The following UBA6 variants were observed in gnomAD, a reference collection of about 807,000 sequenced individuals.
UBA6 encodes the protein ubiquitin-like modifier-activating enzyme 6.
In UBA6, 87 loss-of-function variants were observed where a neutral mutation model predicts 148.3. The ratio of observed to expected loss-of-function variants is 0.59; its 90% CI spans 0.49 to 0.70. The LOEUF (loss-of-function observed/expected upper bound fraction) is 0.70. UBA6 is among the 30% of genes least tolerant of loss of function. The pLI, the probability that UBA6 is intolerant of heterozygous loss-of-function variation, is 0.00. For missense variants in UBA6, 1,186 were observed against 1,241.2 expected (o/e 0.96, Z 0.67); for synonymous variants, 376 against 401.0 (o/e 0.94, Z 0.75).
intron 4 of UBA6, among the ~76,000 whole-genome samples, chr4:67,681,212 C>G (rs1184570260): frequency 3.3e-5 from 5 of 152,096 alleles, no homozygotes; most frequent in Non-Finnish European, 7.4e-5. Context: ...TATATTGCTG[C>G]TTCAAAAGAT....
chr4:67,662,090 G>T, intron 13 of UBA6, 99 bp downstream of exon 13: 1 of 1,197,586 alleles, frequency 8.4e-7, no homozygotes. Context: ...ATGCCACAGA[G>T]TAGCAAAGCT....
At chr4:67,628,744 G>A (rs1291642533) in intron 27 of UBA6, among the ~76,000 whole-genome samples, 3 of 151,752 alleles carry the variant, frequency 2.0e-5, no homozygotes, top group African/African-American at 7.3e-5. Flanking sequence ...TATAACAACA[G>A]GGGATCTTTA....
rs1235355518 is a variant in UBA6 at position 67,614,816 on chromosome 4, A to C, written c.*4181T>G. ...GATATTGGCAACTATACAGCCAACA[A>C]AGAATAAGATTTATAAAGATCCTTT... On this transcript the variant is annotated 3_prime_UTR_variant, in exon 33 of 33. Coordinates refer to ENST00000322244, the MANE Select transcript of UBA6 (RefSeq NM_018227.6). 1 of 152,186 alleles carries C rather than the reference A, an allele frequency of 6.6e-6. No individual in the cohort carries two copies. Among genetic ancestry groups the C allele is most frequent in the Non-Finnish European group, 1.5e-5 (1 of 68,034 alleles). The allele number at this position is 152,186 out of a possible 1,614,324, so 9.4% of individuals were successfully genotyped here. A position where few individuals can be genotyped will look rare whatever the true frequency, so the allele number is the denominator to read the frequency against.
chr4:67,691,562 G>C (rs990395876), intron 2 of UBA6, among the ~76,000 whole-genome samples: 2 of 152,136 alleles, frequency 1.3e-5, no homozygotes, highest in African/African-American at 4.8e-5. Flanking sequence ...GATGTCTTGA[G>C]ATTCTTGCAT....
At chr4:67,619,493 T>C (rs1728703241) in intron 32 of UBA6, among the ~76,000 whole-genome samples, 1 of 152,122 alleles carries the variant, frequency 6.6e-6, no homozygotes, top group Non-Finnish European at 1.5e-5. Context: ...CTGGCCCACA[T>C]GGCGAAACCC....
At position 67,615,928 on chromosome 4, in the gene UBA6, T is replaced by C. The variant is rs989758577; in HGVS notation, c.*3069A>G. On this transcript the variant is annotated 3_prime_UTR_variant, in exon 33 of 33. Coordinates refer to ENST00000322244, the MANE Select transcript of UBA6 (RefSeq NM_018227.6). ...TGGTTGTGACTGGGAAGGAACTACA[T>C]GTGTAATTTCTGAACTGCTGTCAAT... 5 of 339,450 alleles carry C rather than the reference T, an allele frequency of 1.5e-5. No homozygotes were observed. The highest frequency in any genetic ancestry group is 2.7e-5 in the Non-Finnish European group (5 of 188,450). 21.0% of individuals were successfully genotyped at this position (339,450 alleles called of 1,614,324 possible).
chr4:67,688,246 C>T (rs1192650389), intron 2 of UBA6, among the ~76,000 whole-genome samples: 10 of 152,108 alleles, frequency 6.6e-5, no homozygotes, highest in Admixed American at 6.6e-4. Context: ...GCCTTAATCA[C>T]ATTCAATGGA....
intron 26 of UBA6, among the ~76,000 whole-genome samples, chr4:67,629,733 T>C (rs938278102): frequency 3.3e-5 from 5 of 152,048 alleles, no homozygotes; most frequent in African/African-American, 1.2e-4. Context: ...CCAAAAAGAA[T>C]ATCAGACTGA....
chr4:67,684,444 A>T (rs1299085438), intron 2 of UBA6, among the ~76,000 whole-genome samples: 1 of 152,180 alleles, frequency 6.6e-6, no homozygotes, highest in East Asian at 1.9e-4. Context: ...TTTATGTGTT[A>T]ATCCAAAGTA....
At chr4:67,700,437 TC>T (rs1730950239) in intron 1 of UBA6, among the ~76,000 whole-genome samples, 1 of 151,904 alleles carries the variant, frequency 6.6e-6, no homozygotes, top group East Asian at 1.9e-4. Flanking sequence ...ACAAATATTT[TC>T]CCCCTAATTT....
intron 7 of UBA6, among the ~76,000 whole-genome samples, chr4:67,672,713 G>A (rs970662352): frequency 2.0e-5 from 3 of 151,806 alleles, no homozygotes; most frequent in Non-Finnish European, 4.4e-5. Context: ...CCTCAAAACC[G>A]CCAACCTAAT....
chr4:67,692,670 A>G (rs1730722597), intron 2 of UBA6, among the ~76,000 whole-genome samples: 1 of 152,198 alleles, frequency 6.6e-6, no homozygotes, highest in Admixed American at 6.5e-5. Context: ...CCAGAACCCC[A>G]AAGTTCAACA....
chr4:67,669,534 T>A (rs1730089826), intron 8 of UBA6, among the ~76,000 whole-genome samples: 1 of 152,140 alleles, frequency 6.6e-6, no homozygotes, highest in East Asian at 1.9e-4. Context: ...GTAAGTTGAT[T>A]ACAAAGAGTA....
intron 13 of UBA6, among the ~76,000 whole-genome samples, chr4:67,658,985 A>T (rs1427920404): frequency 6.6e-6 from 1 of 152,178 alleles, no homozygotes; most frequent in Non-Finnish European, 1.5e-5. Flanking sequence ...TGTGTACAAA[A>T]TTTTTTATAA....
At chr4:67,664,072 G>A in intron 10 of UBA6, 125 bp from the exon 11 acceptor site, 1 of 624,138 alleles carries the variant, frequency 1.6e-6, no homozygotes. Context: ...AAGTAGGGTT[G>A]GGCTGGTATG....
rs769076683 is a variant in UBA6, at chr4:67,639,038, T to C, written c.1641A>G (p.Pro547=). The C allele has an allele frequency of 4.3e-6, 7 of 1,613,124 alleles. No homozygotes were observed. In the South Asian group the frequency reaches 6.6e-5, roughly 15 times the overall value. ...KIDAHLNKVC[P]TTETIYNDEF... is the part of the protein sequence containing the mutation. ...CATCATTGTAAATGGTCTCAGTGGT[T>C]GGACATACTTTGTTCAGGTGTGCAT... Residue 547 remains proline, a synonymous_variant, in exon 19 of 33, where the codon CCA becomes CCG. Coordinates refer to ENST00000322244, the MANE Select transcript of UBA6 (RefSeq NM_018227.6).
At chr4:67,635,371 G>A in intron 20 of UBA6, 82 bp downstream of exon 20, 6 of 830,664 alleles carry the variant, frequency 7.2e-6, no homozygotes, top group Non-Finnish European at 1.2e-5. Context: ...GAAGGATTAG[G>A]AAAGCTAAAT....
chr4:67,666,812 C>CTGCA (rs1420295829), intron 9 of UBA6, among the ~76,000 whole-genome samples: 10 of 152,018 alleles, frequency 6.6e-5, no homozygotes, highest in Admixed American at 6.6e-4. Context: ...GAGGCTGAGG[C>CTGCA]TGCAGTGAGC....
At chr4:67,694,794 G>C (rs1478106431) in intron 2 of UBA6, among the ~76,000 whole-genome samples, 1 of 152,036 alleles carries the variant, frequency 6.6e-6, no homozygotes, top group East Asian at 1.9e-4. Flanking sequence ...TAAATTTCTG[G>C]CTTCCTGCCC....
Sources: allele counts gnomAD v4.1 joint callset (sites outside exome capture counted in the v4.1 genomes callset), GRCh38; gene constraint gnomAD v4.1.1; transcripts MANE v1.5; gene names NCBI Gene and HGNC (gene_info 2026-07-23, HGNC 2026-07-21).